Variants in MAP3K5 observed in about 807,000 individuals in gnomAD.
The protein encoded by MAP3K5 is ASK-1.
Under a neutral mutation model 158.7 loss-of-function variants are expected in MAP3K5, and 56 were observed. The ratio of observed to expected loss-of-function variants is 0.35; its 90% CI spans 0.28 to 0.44. The LOEUF (loss-of-function observed/expected upper bound fraction) is 0.44. Ranked by LOEUF, MAP3K5 falls within the 20% of genes least tolerant of loss-of-function variation. The pLI is 1.00. For synonymous variants in MAP3K5, 579 were observed against 601.7 expected (o/e 0.96, Z 0.55); for missense variants, 1,294 against 1,674.8 (o/e 0.77, Z 3.97).
chr6:136,723,900 T>C (rs1301504263), intron 1 of MAP3K5, among the ~76,000 whole-genome samples: 1 of 152,150 alleles, frequency 6.6e-6, no homozygotes, highest in Admixed American at 6.5e-5. Context: ...TTTGGGGTCC[T>C]CAACATTTCT....
At chr6:136,707,145 A>T (rs1407885009) in intron 2 of MAP3K5, among the ~76,000 whole-genome samples, 1 of 152,092 alleles carries the variant, frequency 6.6e-6, no homozygotes, top group Non-Finnish European at 1.5e-5. Context: ...ACAGAGCAAG[A>T]TCCTGACTCA....
intron 1 of MAP3K5, among the ~76,000 whole-genome samples, chr6:136,727,751 G>A (rs1332098918): frequency 6.6e-6 from 1 of 152,122 alleles, no homozygotes; most frequent in African/African-American, 2.4e-5. Flanking sequence ...ACAAGGTCAG[G>A]AGATCGAGAC....
intron 14 of MAP3K5, among the ~76,000 whole-genome samples, chr6:136,630,573 T>C (rs150337705): frequency 3.4e-4 from 52 of 152,316 alleles, no homozygotes; most frequent in African/African-American, 1.2e-3. Context: ...CCTCCTAAAA[T>C]ACATCTGCCA....
intron 8 of MAP3K5, among the ~76,000 whole-genome samples, chr6:136,668,452 G>A (rs896903205): frequency 3.3e-5 from 5 of 151,874 alleles, no homozygotes; most frequent in Admixed American, 2.6e-4. Flanking sequence ...TAAGATGAAC[G>A]TGTTATTTTT....
chr6:136,792,556 G>C (rs1785134277), upstream of MAP3K5: 1 of 175,914 alleles, frequency 5.7e-6, no homozygotes, highest in Non-Finnish European at 1.1e-5. The surrounding 1 kb of genome is among the most constrained non-coding windows in gnomAD (Gnocchi z 5.7). Context: ...GCGCCGCGCC[G>C]CGCCGCGCCG....
chr6:136,698,094 C>A (rs1318207863), intron 4 of MAP3K5, among the ~76,000 whole-genome samples: 1 of 152,144 alleles, frequency 6.6e-6, no homozygotes, highest in African/African-American at 2.4e-5. Context: ...CCTGACTCAG[C>A]CTATCATTTA....
chr6:136,722,697 GCAGA>G (rs1244076927), intron 1 of MAP3K5, among the ~76,000 whole-genome samples: 1 of 136,950 alleles, frequency 7.3e-6, no homozygotes, highest in Non-Finnish European at 1.6e-5. Context: ...TTTTTTTAAG[GCAGA>G]CAGTTCTCAG....
chr6:136,653,472 G>C (rs540564749), intron 10 of MAP3K5, among the ~76,000 whole-genome samples: 1 of 152,322 alleles, frequency 6.6e-6, no homozygotes, highest in Admixed American at 6.5e-5. Flanking sequence ...TGTAGTGTGA[G>C]CCACGGAAGA....
intron 1 of MAP3K5, among the ~76,000 whole-genome samples, chr6:136,778,001 T>C (rs1179477334): frequency 6.6e-6 from 1 of 152,222 alleles, no homozygotes; most frequent in African/African-American, 2.4e-5. Context: ...GCTGAAAAGA[T>C]TAATACAAAG....
intron 1 of MAP3K5, among the ~76,000 whole-genome samples, chr6:136,763,920 A>G (rs1562685561): frequency 6.6e-6 from 1 of 152,142 alleles, no homozygotes; most frequent in Non-Finnish European, 1.5e-5. Flanking sequence ...ACTCTGCACC[A>G]CCTTGAGACT....
intron 7 of MAP3K5, among the ~76,000 whole-genome samples, chr6:136,683,830 A>C (rs1225062813): frequency 6.6e-6 from 1 of 152,192 alleles, no homozygotes; most frequent in African/African-American, 2.4e-5. Flanking sequence ...CCTAGGATAC[A>C]GTAAAAACAA....
intron 1 of MAP3K5, among the ~76,000 whole-genome samples, chr6:136,742,613 TA>T (rs766736905): frequency 2.0e-5 from 3 of 152,038 alleles, no homozygotes; most frequent in Non-Finnish European, 4.4e-5. Context: ...TTAGATACAA[TA>T]TCAAAGGCAT....
intron 11 of MAP3K5, among the ~76,000 whole-genome samples, chr6:136,649,353 C>T (rs1778418221): frequency 6.6e-6 from 1 of 152,162 alleles, no homozygotes; most frequent in African/African-American, 2.4e-5. Flanking sequence ...AAGCAGCATC[C>T]CCAGGAACCA....
rs1284837420 is a variant in MAP3K5 at position 136,792,199 on chromosome 6, A to G, written c.-42T>C. On this transcript the variant is annotated 5_prime_UTR_variant, in exon 1 of 30. Transcript: ENST00000359015. This position sits in a 1 kb window ranked among gnomAD's most constrained non-coding sequence, Gnocchi z 5.7. Reference sequence around the variant, plus strand: ...GCAACGGCGGCGGCGTCCCCCGCCCAGCCGCACCGCCTGGCCAGCCACAGC... The same window carrying G: ...GCAACGGCGGCGGCGTCCCCCGCCCGGCCGCACCGCCTGGCCAGCCACAGC... 1.3e-6 allele frequency: 2 copies of G among 1,520,512 alleles called. No individual in the cohort carries two copies. The highest frequency in any genetic ancestry group is 2.0e-5 in the Admixed American group (1 of 48,988). The allele number at this position is 1,520,512 out of a possible 1,614,324, so 94.2% of individuals were successfully genotyped here. A position where few individuals can be genotyped will look rare whatever the true frequency, so the allele number is the denominator to read the frequency against.
chr6:136,744,154 G>A (rs1032597445), intron 1 of MAP3K5, among the ~76,000 whole-genome samples: 3 of 152,006 alleles, frequency 2.0e-5, no homozygotes, highest in Non-Finnish European at 4.4e-5. Context: ...CCTAATGTAA[G>A]CTATGGGCAT....
At chr6:136,707,562 G>C (rs75402787) in intron 2 of MAP3K5, among the ~76,000 whole-genome samples, 3,138 of 152,030 alleles carry the variant, frequency 0.021, 100 homozygotes, top group African/African-American at 0.068. Context: ...GTACTTGGGG[G>C]GGGGGGGAAC....
At chr6:136,788,878 G>A (rs9402848) in intron 1 of MAP3K5, among the ~76,000 whole-genome samples, 83,777 of 152,060 alleles carry the variant, frequency 0.55, 23,291 homozygotes, top group Admixed American at 0.62. Flanking sequence ...ACTACCGTTC[G>A]ACCCAGCAAT....
intron 3 of MAP3K5, among the ~76,000 whole-genome samples, chr6:136,699,819 T>C (rs1780766027): frequency 2.0e-5 from 3 of 152,034 alleles, no homozygotes; most frequent in Non-Finnish European, 4.4e-5. Context: ...ATCAGCTGAG[T>C]GTGATGGCTC....
chr6:136,669,442 C>T (rs1242296624), intron 7 of MAP3K5, 47 bp from the exon 8 acceptor site: 1 of 1,112,306 alleles, frequency 9.0e-7, no homozygotes, highest in Non-Finnish European at 1.4e-6. Context: ...AATCATGAAA[C>T]CCTGGGTGTG....
Sources: gnomAD v4.1 joint callset for allele counts (sites outside exome capture counted in the v4.1 genomes callset) on GRCh38, gnomAD v4.1.1 for gene constraint, Gnocchi (gnomAD v3.1) non-coding constraint, MANE v1.5 for transcripts, NCBI Gene and HGNC (gene_info 2026-07-23, HGNC 2026-07-21) for gene names.